GRM1: variants seen among roughly 807,000 people sequenced by gnomAD.
GRM1 encodes glutamate metabotropic receptor 1.
A neutral mutation model predicts 90.9 loss-of-function variants in GRM1; 33 were observed. The ratio of observed to expected loss-of-function variants is 0.36; its 90% confidence interval spans 0.28 to 0.49. The LOEUF (loss-of-function observed/expected upper bound fraction) is 0.49, where lower values mean the gene tolerates loss of function less well. GRM1 is among the 20% of genes least tolerant of loss of function. The probability of loss-of-function intolerance (pLI) is 0.99; values close to 1 mark genes in which losing one functional copy is unlikely to be tolerated. For synonymous variants in GRM1, 700 were observed against 613.2 expected (o/e 1.14, Z -2.09); for missense variants, 1,190 against 1,534.3 (o/e 0.78, Z 3.75).
In GRM1 at chr6:146,300,388, T is replaced by C. The variant is rs143675327; in HGVS notation, c.951-4223T>C. Among the ~76,000 whole-genome samples the C allele has an allele frequency of 1.3e-3, 202 of 152,338 alleles. 1 individual carries two copies. Among genetic ancestry groups the C allele is most frequent in the African/African-American group, 4.6e-3 (191 of 41,584 alleles). ...TTGTAATTGGTGGAAGCAGAAATGG[T>C]ATTTTCCTGTTATTAATATTAGAAT... On this transcript the variant is annotated intron_variant, in intron 2 of 7. Transcript: ENST00000282753.
At chr6:146,303,715 C>T (rs913325600) in intron 2 of GRM1, among the ~76,000 whole-genome samples, 6 of 152,126 alleles carry the variant, frequency 3.9e-5, no homozygotes, top group South Asian at 2.1e-4. Flanking sequence ...CTAGCTCACC[C>T]GGGACTAAAA....
chr6:146,097,810 T>G (rs973669482), intron 1 of GRM1, among the ~76,000 whole-genome samples: 1 of 152,228 alleles, frequency 6.6e-6, no homozygotes, highest in African/African-American at 2.4e-5. Context: ...TTTCATTCAA[T>G]GACAACCTGT....
intron 5 of GRM1, among the ~76,000 whole-genome samples, chr6:146,362,407 C>T (rs945335072): frequency 1.3e-5 from 2 of 152,086 alleles, no homozygotes; most frequent in African/African-American, 4.8e-5. Flanking sequence ...CGGCCGGGTG[C>T]GGTGGCTCAC....
intron 5 of GRM1, among the ~76,000 whole-genome samples, chr6:146,364,537 G>T (rs1309254445): frequency 6.6e-6 from 1 of 152,114 alleles, no homozygotes; most frequent in Admixed American, 6.5e-5. Context: ...TACTAACGTG[G>T]ATTATCTTTG....
At chr6:146,269,399 A>G (rs539437383) in intron 2 of GRM1, among the ~76,000 whole-genome samples, 3 of 152,340 alleles carry the variant, frequency 2.0e-5, no homozygotes, top group South Asian at 2.1e-4. Context: ...TAAAAATTCT[A>G]TGAATTAGCA....
Position 146,436,143 on chromosome 6 carries a change from T to G in GRM1, c.*1347T>G, listed in dbSNP as rs1156455683. ...TGTCTTTTGAATATACTATATATAT[T>G]TTTTATGTTCCAATAATGTTTTGTA... On this transcript the variant is annotated 3_prime_UTR_variant, in exon 8 of 8. Transcript: ENST00000282753. 6.6e-6 allele frequency: 1 copy of G among 152,492 alleles called. No homozygotes were observed. The highest frequency in any genetic ancestry group is 6.6e-5 in the Admixed American group (1 of 15,246). The allele number at this position is 152,492 out of a possible 1,614,324, so 9.4% of individuals were successfully genotyped here. A position where few individuals can be genotyped will look rare whatever the true frequency, so the allele number is the denominator to read the frequency against.
At chr6:146,421,458 T>A (rs1280694432) in intron 7 of GRM1, among the ~76,000 whole-genome samples, 1 of 152,106 alleles carries the variant, frequency 6.6e-6, no homozygotes, top group Non-Finnish European at 1.5e-5. Flanking sequence ...ATGTATTATT[T>A]ACTAACACAT....
chr6:146,175,094 A>T (rs1778291177), intron 2 of GRM1, among the ~76,000 whole-genome samples: 1 of 152,202 alleles, frequency 6.6e-6, no homozygotes, highest in Non-Finnish European at 1.5e-5. Context: ...CATTAGAAGT[A>T]AGTCACTAGG....
chr6:146,413,727 T>C (rs918808753), intron 7 of GRM1, among the ~76,000 whole-genome samples: 4 of 152,172 alleles, frequency 2.6e-5, no homozygotes, highest in Non-Finnish European at 4.4e-5. Flanking sequence ...TTTTAAACTA[T>C]CCTGCTCTCC....
chr6:146,405,610 C>T (rs916509722), intron 7 of GRM1, among the ~76,000 whole-genome samples: 2 of 152,206 alleles, frequency 1.3e-5, no homozygotes, highest in African/African-American at 4.8e-5. Flanking sequence ...CAGCCACCAT[C>T]TTGCTGTGTG....
chr6:146,257,048 TC>T (rs140345072), intron 2 of GRM1, among the ~76,000 whole-genome samples: 66 of 152,298 alleles, frequency 4.3e-4, no homozygotes, highest in African/African-American at 1.6e-3. Flanking sequence ...TAGTCTCTCA[TC>T]CTTCTTTATT....
intron 2 of GRM1, among the ~76,000 whole-genome samples, chr6:146,301,635 A>C (rs1392110061): frequency 6.6e-6 from 1 of 152,170 alleles, no homozygotes; most frequent in Non-Finnish European, 1.5e-5. Flanking sequence ...TATTTTTTTC[A>C]AGTTATGTCA....
At chr6:146,085,533 A>G (rs1776512173) in intron 1 of GRM1, among the ~76,000 whole-genome samples, 1 of 152,164 alleles carries the variant, frequency 6.6e-6, no homozygotes, top group Non-Finnish European at 1.5e-5. Context: ...TAGGTTTTTA[A>G]GCTGACTAGA....
chr6:146,121,775 G>T (rs544257162), intron 1 of GRM1, among the ~76,000 whole-genome samples: 3 of 152,320 alleles, frequency 2.0e-5, no homozygotes, highest in Non-Finnish European at 4.4e-5. Flanking sequence ...GTTCTAGTTT[G>T]ATTGCACTGT....
intron 2 of GRM1, among the ~76,000 whole-genome samples, chr6:146,274,229 C>G (rs957740574): frequency 2.0e-5 from 3 of 152,156 alleles, no homozygotes; most frequent in African/African-American, 7.2e-5. Flanking sequence ...AATAATCTGG[C>G]ACTTTTTTAT....
In GRM1 at chr6:146,078,415, G is replaced by A. The variant is rs114360485; in HGVS notation, c.700+48198G>A. ...CATTGTTAAGAAAGAAAGAGAAAAA[G>A]AAAAAGATTCTGGCTGTTCAGCACA... On this transcript the variant is annotated intron_variant, in intron 1 of 7. Coordinates refer to ENST00000282753, the MANE Select transcript of GRM1 (RefSeq NM_001278064.2). Among the ~76,000 whole-genome samples the A allele has an allele frequency of 5.0e-3, 764 of 152,254 alleles. 4 individuals are homozygous for A. The highest frequency in any genetic ancestry group is 0.018 in the African/African-American group (743 of 41,548).
chr6:146,175,669 C>T (rs1381588287), intron 2 of GRM1, among the ~76,000 whole-genome samples: 1 of 152,020 alleles, frequency 6.6e-6, no homozygotes, highest in Non-Finnish European at 1.5e-5. Context: ...AAATATCCTC[C>T]TCTGGGTCAT....
intron 2 of GRM1, among the ~76,000 whole-genome samples, chr6:146,206,749 T>TCTTTTGGGTA (rs915562928): frequency 1.3e-5 from 2 of 152,040 alleles, no homozygotes; most frequent in Non-Finnish European, 2.9e-5. Context: ...CAGTACCCAA[T>TCTTTTGGGTA]CTTTTGGGTA....
At chr6:146,402,575 C>T (rs1777196757) in intron 7 of GRM1, among the ~76,000 whole-genome samples, 1 of 152,088 alleles carries the variant, frequency 6.6e-6, no homozygotes, top group African/African-American at 2.4e-5. Context: ...GAGTTTATTG[C>T]TATTCTAGAT....
Sources: allele counts gnomAD v4.1 joint callset (sites outside exome capture counted in the v4.1 genomes callset), GRCh38; gene constraint gnomAD v4.1.1; transcripts MANE v1.5; gene names NCBI Gene and HGNC (gene_info 2026-07-23, HGNC 2026-07-21).